Variants in FYN observed in about 807,000 individuals in gnomAD.
FYN encodes tyrosine-protein kinase Fyn.
A neutral mutation model predicts 70.2 loss-of-function variants in FYN; 10 were observed. That is an observed-to-expected ratio of 0.14 (90% CI 0.09 to 0.24). The LOEUF is 0.24. FYN is among the 10% of genes least tolerant of loss of function. The pLI, the probability that FYN is intolerant of heterozygous loss-of-function variation, is 1.00. For missense variants in FYN, 319 were observed against 673.1 expected (o/e 0.47, Z 5.82); for synonymous variants, 236 against 248.6 (o/e 0.95, Z 0.48).
intron 2 of FYN, among the ~76,000 whole-genome samples, chr6:111,800,554 G>A (rs757974956): frequency 6.6e-6 from 1 of 152,200 alleles, no homozygotes; most frequent in Non-Finnish European, 1.5e-5. Context: ...AAACGGGAAC[G>A]ACTGCAACCG....
intron 3 of FYN, among the ~76,000 whole-genome samples, chr6:111,751,415 C>G (rs990186530): frequency 3.3e-5 from 5 of 152,080 alleles, no homozygotes; most frequent in African/African-American, 1.2e-4. Flanking sequence ...TTTTTAACAT[C>G]AGATCCCTAG....
chr6:111,727,328 G>A (rs575239069), intron 3 of FYN, among the ~76,000 whole-genome samples: 36 of 152,294 alleles, frequency 2.4e-4, no homozygotes, highest in African/African-American at 8.7e-4. Context: ...TACCATGAAG[G>A]AGTTGGCACT....
At chr6:111,815,746 T>C (rs1428244455) in intron 2 of FYN, among the ~76,000 whole-genome samples, 2 of 149,188 alleles carry the variant, frequency 1.3e-5, no homozygotes, top group Admixed American at 6.8e-5. Flanking sequence ...TGAGACAGAG[T>C]CTCTCTCTGT....
intron 12 of FYN, among the ~76,000 whole-genome samples, chr6:111,692,581 T>C: frequency 6.6e-6 from 1 of 152,138 alleles, no homozygotes; most frequent in East Asian, 1.9e-4. Flanking sequence ...CCTGGCAACC[T>C]TTTCATTTAC....
intron 2 of FYN, among the ~76,000 whole-genome samples, chr6:111,828,674 T>C (rs1036079305): frequency 1.3e-5 from 2 of 152,196 alleles, no homozygotes; most frequent in Non-Finnish European, 2.9e-5. Context: ...TTCTATATGA[T>C]CCACTTACAT....
intron 12 of FYN, among the ~76,000 whole-genome samples, chr6:111,686,349 G>A (rs1018299342): frequency 6.6e-6 from 1 of 152,144 alleles, no homozygotes; most frequent in Non-Finnish European, 1.5e-5. Context: ...CAAGCAGCAC[G>A]GTTCAGGCAT....
chr6:111,711,491 A>T (rs900033435), intron 5 of FYN, among the ~76,000 whole-genome samples: 56 of 152,372 alleles, frequency 3.7e-4, no homozygotes, highest in African/African-American at 1.3e-3. Context: ...CAACGGGTCA[A>T]TGAAGCACCT....
intron 3 of FYN, among the ~76,000 whole-genome samples, chr6:111,772,974 T>C (rs536074286): frequency 2.6e-5 from 4 of 151,596 alleles, no homozygotes; most frequent in Admixed American, 6.6e-5. Context: ...AATAGTACTA[T>C]AGTATGGTTA....
chr6:111,717,868 G>A (rs966345123), intron 4 of FYN, among the ~76,000 whole-genome samples: 1 of 152,210 alleles, frequency 6.6e-6, no homozygotes, highest in African/African-American at 2.4e-5. Flanking sequence ...AGTGGGGCTT[G>A]TCTTTCTGCC....
At chr6:111,803,833 C>T (rs981362723) in intron 2 of FYN, among the ~76,000 whole-genome samples, 8 of 152,120 alleles carry the variant, frequency 5.3e-5, no homozygotes, top group African/African-American at 1.2e-4. Context: ...GAATAATCTG[C>T]GGAAATGCAC....
intron 12 of FYN, among the ~76,000 whole-genome samples, chr6:111,688,873 G>A (rs1029495580): frequency 2.0e-5 from 3 of 152,102 alleles, no homozygotes; most frequent in Non-Finnish European, 4.4e-5. Context: ...GGGTGAGGGG[G>A]CCCTTGGAGC....
At chr6:111,866,019 CAA>C (rs543750108) in intron 1 of FYN, among the ~76,000 whole-genome samples, 71 of 152,266 alleles carry the variant, frequency 4.7e-4, no homozygotes, top group Middle Eastern at 3.4e-3. Flanking sequence ...CTAAAATATT[CAA>C]AGTTTCCTTA....
chr6:111,700,367 T>G, intron 8 of FYN, 99 bp from the exon 9 acceptor site: 1 of 1,221,032 alleles, frequency 8.2e-7, no homozygotes, highest in Non-Finnish European at 1.2e-6. Flanking sequence ...CGCACAGTGC[T>G]CCTCAAACAG....
rs115385384 is a variant in FYN at position 111,796,244 on chromosome 6, C to T, written c.-81-15609G>A. ...TTGCCAATCTAAGTACAGCCATGTG[C>T]CACATAATGAAATTTCAGTCAGTGA... is the stretch of plus-strand genomic sequence containing the variant. On this transcript the variant is annotated intron_variant, in intron 2 of 13. Transcript: ENST00000354650. 1.3e-3 allele frequency among the ~76,000 whole-genome samples: 197 copies of T among 152,296 alleles called. 2 individuals carry two copies. Among genetic ancestry groups the T allele is most frequent in the African/African-American group, 4.6e-3 (192 of 41,550 alleles).
chr6:111,675,720 G>T (rs150573133), intron 12 of FYN, among the ~76,000 whole-genome samples: 3,560 of 152,018 alleles, frequency 0.023, 142 homozygotes, highest in African/African-American at 0.083. Context: ...TTGAACCCAG[G>T]AGGCAGAGGT....
At chr6:111,662,292 T>C (rs1161465514) in intron 13 of FYN, among the ~76,000 whole-genome samples, 1 of 152,230 alleles carries the variant, frequency 6.6e-6, no homozygotes, top group Non-Finnish European at 1.5e-5. Context: ...GAGGAATCCC[T>C]GCCAAGGGGC....
chr6:111,810,459 C>T (rs1339387376), intron 2 of FYN, among the ~76,000 whole-genome samples: 1 of 152,210 alleles, frequency 6.6e-6, no homozygotes, highest in East Asian at 1.9e-4. Flanking sequence ...AGTGCAAACA[C>T]TTTCAATGGT....
At chr6:111,716,023 T>C (rs868141565) in intron 4 of FYN, among the ~76,000 whole-genome samples, 2 of 152,254 alleles carry the variant, frequency 1.3e-5, no homozygotes, top group Admixed American at 6.5e-5. Context: ...TATAAGATAA[T>C]ACACTGTTAT....
intron 2 of FYN, chr6:111,818,688 G>A (rs1772565971): frequency 6.6e-6 from 1 of 152,372 alleles, no homozygotes; most frequent in African/African-American, 2.4e-5. Flanking sequence ...TCTACCCAAA[G>A]CTGTCTGCCT....
Sources: gnomAD v4.1 joint callset for allele counts (sites outside exome capture counted in the v4.1 genomes callset) on GRCh38, gnomAD v4.1.1 for gene constraint, MANE v1.5 for transcripts, NCBI Gene and HGNC (gene_info 2026-07-23, HGNC 2026-07-21) for gene names.